Variants in VAMP1 observed in about 807,000 individuals in gnomAD.
VAMP1 encodes the protein vesicle-associated membrane protein 1.
Under a neutral mutation model 19.1 loss-of-function variants are expected in VAMP1, and 16 were observed. The observed-to-expected ratio is 0.84, with a 90% CI of 0.57 to 1.27. VAMP1 has a LOEUF of 1.27. Ranked by LOEUF, VAMP1 falls within the 50% of genes most tolerant of loss-of-function variation. VAMP1 has a pLI of 0.00. For missense variants in VAMP1, 109 were observed against 145.4 expected, an observed-to-expected ratio of 0.75 and a Z score of 1.29; for synonymous variants, 37 against 50.2, an observed-to-expected ratio of 0.74 and a Z score of 1.11.
rs778873075 is a variant in VAMP1 at position 6,463,409 on chromosome 12, T to G, written c.*1061A>C. On this transcript the variant is annotated 3_prime_UTR_variant, in exon 5 of 5. Transcript: ENST00000396308. The surrounding 1 kb of genome is among the most constrained non-coding windows in gnomAD (Gnocchi z 4.0). ...CAGGAAGAACCACTTGCCTCATCCC[T>G]GTCTTTGGCAAGTGCACGGGTGGTG... 1.7e-5 allele frequency: 18 copies of G among 1,057,548 alleles called. No individual in the cohort carries two copies. The highest frequency in any genetic ancestry group is 1.8e-5 in the Non-Finnish European group (16 of 872,592). The allele number at this position is 1,057,548 out of a possible 1,614,324, so 65.5% of individuals were successfully genotyped here.
At position 6,462,795 on chromosome 12, in the gene VAMP1, G is replaced by C; in HGVS notation, c.*1675C>G. The stretch of plus-strand genomic sequence containing the variant: ...AGGAGAGTGGAGACCTTCGAGGGGG[G>C]CCGTTGGGAGGGTACTGACTGCTTT... On this transcript the variant is annotated 3_prime_UTR_variant, in exon 5 of 5. Coordinates refer to ENST00000396308, the MANE Select transcript of VAMP1 (RefSeq NM_014231.5). The C allele has an allele frequency of 6.3e-7, 1 of 1,584,212 alleles. No homozygotes were observed. The highest frequency in any genetic ancestry group is 1.7e-4 in the Middle Eastern group (1 of 5,968).
rs1008190054 is a variant in VAMP1 at position 6,463,531 on chromosome 12, C to T, written c.*939G>A. ...AAGAGAGGAACAGGACCCTCTTTAA[C>T]GAGGGCAAGGAGTGGCTTCCTCTGA... On this transcript the variant is annotated 3_prime_UTR_variant, in exon 5 of 5. Transcript: ENST00000396308. The surrounding 1 kb of genome is among the most constrained non-coding windows in gnomAD (Gnocchi z 4.0). 9.6e-6 allele frequency: 10 copies of T among 1,044,642 alleles called. No homozygotes were observed. The highest frequency in any genetic ancestry group is 3.1e-5 in the South Asian group (1 of 32,186). 64.7% of individuals were successfully genotyped at this position (1,044,642 alleles called of 1,614,324 possible). A position where few individuals can be genotyped will look rare whatever the true frequency, so the allele number is the denominator to read the frequency against.
rs1225349886 is a variant in VAMP1 at position 6,462,371 on chromosome 12, G to A, written c.*2099C>T. ...TATGAGATCAGGGTTAGGAAAAAAA[G>A]ACAAAGAGGTGATGACAGACACACA... is the stretch of plus-strand genomic sequence containing the variant. On this transcript the variant is annotated 3_prime_UTR_variant, in exon 5 of 5. Transcript: ENST00000396308. 34 of 507,796 alleles carry A rather than the reference G, an allele frequency of 6.7e-5. No homozygotes were observed. In the East Asian group the frequency reaches 1.0e-3, roughly 15 times the overall value. The allele number at this position is 507,796 out of a possible 1,614,324, so 31.5% of individuals were successfully genotyped here.
chr12:6,462,684 G>A lies in VAMP1; in HGVS notation c.*1786C>T. ...TAGGGCTGGGAGAGCCAAGAGGACG[G>A]ATTCGCTCCAGGCTTGGGACACATC... On this transcript the variant is annotated 3_prime_UTR_variant, in exon 5 of 5. Coordinates refer to ENST00000396308, the MANE Select transcript of VAMP1 (RefSeq NM_014231.5). 1.2e-6 allele frequency: 1 copy of A among 865,238 alleles called. No individual in the cohort carries two copies. Among genetic ancestry groups the A allele is most frequent in the Non-Finnish European group, 1.8e-6 (1 of 565,884 alleles). The allele number at this position is 865,238 out of a possible 1,614,324, so 53.6% of individuals were successfully genotyped here. A position where few individuals can be genotyped will look rare whatever the true frequency, so the allele number is the denominator to read the frequency against.
In VAMP1 at chr12:6,470,649, C is replaced by T. The variant is rs571477074; in HGVS notation, c.-118G>A. 15 of 1,362,656 alleles carry T rather than the reference C, an allele frequency of 1.1e-5. No homozygotes were observed. The highest frequency in any genetic ancestry group is 1.5e-5 in the Non-Finnish European group (15 of 970,272). 84.4% of individuals were successfully genotyped at this position (1,362,656 alleles called of 1,614,324 possible). A position where few individuals can be genotyped will look rare whatever the true frequency, so the allele number is the denominator to read the frequency against. ...CCAAGCTCCGCCTCGCGCCGACTAC[C>T]CCGCGGTCTAGCTGCGCTGGAACTT... is the stretch of plus-strand genomic sequence containing the variant. On this transcript the variant is annotated 5_prime_UTR_variant, in exon 1 of 5. Coordinates refer to ENST00000396308, the MANE Select transcript of VAMP1 (RefSeq NM_014231.5).
intron 3 of VAMP1, chr12:6,465,418 A>ATATATATAAATGTATATATATGTGTG (rs1949992986): frequency 2.7e-5 from 3 of 111,340 alleles, no homozygotes; most frequent in Non-Finnish European, 5.0e-5. Flanking sequence ...ATATATGTAT[A>ATATATATAAATGTATATATATGTGTG]TATATATATA....
intron 1 of VAMP1, among the ~76,000 whole-genome samples, chr12:6,470,283 G>A (rs1385227292): frequency 1.3e-5 from 2 of 152,090 alleles, no homozygotes; most frequent in Non-Finnish European, 2.9e-5. Context: ...CAGACGAGAG[G>A]AGAGGGTGCA....
rs1565525991 is a variant in VAMP1, at chr12:6,465,373, A to AC, written c.289-433_289-432insG. 6.7e-3 allele frequency: 704 copies of AC among 104,442 alleles called. 28 individuals carry two copies. The highest frequency in any genetic ancestry group is 0.021 in the Admixed American group (200 of 9,490). 6.5% of individuals were successfully genotyped at this position (104,442 alleles called of 1,614,324 possible). A position where few individuals can be genotyped will look rare whatever the true frequency, so the allele number is the denominator to read the frequency against. ...AAAGAAAAAAGTATATATATATATAAATGTATATATATGTATATATATATA... is the reference window on the plus strand; with the variant it reads ...AAAGAAAAAAGTATATATATATATAACATGTATATATATGTATATATATATA... On this transcript the variant is annotated intron_variant, in intron 3 of 4. Coordinates refer to ENST00000396308, the MANE Select transcript of VAMP1 (RefSeq NM_014231.5).
chr12:6,465,404 GTA>G (rs1294654336), intron 3 of VAMP1: 6 of 61,392 alleles, frequency 9.8e-5, no homozygotes, highest in East Asian at 1.9e-3. Context: ...ATATATAAAT[GTA>G]TATATATGTA....
chr12:6,463,696 T>C lies in VAMP1; in HGVS notation c.*774A>G. On this transcript the variant is annotated 3_prime_UTR_variant, in exon 5 of 5. Transcript: ENST00000396308. The surrounding 1 kb of genome is among the most constrained non-coding windows in gnomAD (Gnocchi z 4.0). ...AAACTACCAGCTAGATGGATTTATTTGGTGCCCTCATACAGAATGCTGTAG... is the reference window on the plus strand; with the variant it reads ...AAACTACCAGCTAGATGGATTTATTCGGTGCCCTCATACAGAATGCTGTAG... 2.7e-6 allele frequency: 3 copies of C among 1,108,072 alleles called. No individual in the cohort carries two copies. In the South Asian group the frequency reaches 6.5e-5, roughly 24 times the overall value. The allele number at this position is 1,108,072 out of a possible 1,614,324, so 68.6% of individuals were successfully genotyped here.
rs1369382652 is a variant in VAMP1 at position 6,462,685 on chromosome 12, A to C, written c.*1785T>G. The C allele has an allele frequency of 2.3e-6, 2 of 875,138 alleles. No individual in the cohort carries two copies. The highest frequency in any genetic ancestry group is 3.5e-6 in the Non-Finnish European group (2 of 574,896). 54.2% of individuals were successfully genotyped at this position (875,138 alleles called of 1,614,324 possible). Reference sequence around the variant, plus strand: ...AGGGCTGGGAGAGCCAAGAGGACGGATTCGCTCCAGGCTTGGGACACATCG... The same window carrying C: ...AGGGCTGGGAGAGCCAAGAGGACGGCTTCGCTCCAGGCTTGGGACACATCG... On this transcript the variant is annotated 3_prime_UTR_variant, in exon 5 of 5. Coordinates refer to ENST00000396308, the MANE Select transcript of VAMP1 (RefSeq NM_014231.5).
chr12:6,465,933 T>C lies in VAMP1; in HGVS notation c.197A>G (p.Asp66Gly). 6.2e-7 allele frequency: 1 copy of C among 1,614,256 alleles called. No individual in the cohort carries two copies. Among genetic ancestry groups the C allele is most frequent in the Non-Finnish European group, 8.5e-7 (1 of 1,180,054 alleles). ...TGCCTGCAAGGCATCAGCTCGGTCA[T>C]CCAGCTCTGACAGCTTCTGGTCCCT... ...LERDQKLSEL[D>G]DRADALQAGA... Residue 66 changes from aspartate (D) to glycine (G), a missense_variant, in exon 3 of 5, where the codon GAT (aspartate) becomes GGT (glycine). Coordinates refer to ENST00000396308, the MANE Select transcript of VAMP1 (RefSeq NM_014231.5).
intron 3 of VAMP1, among the ~76,000 whole-genome samples, chr12:6,465,523 G>A (rs1312296089): frequency 6.6e-6 from 1 of 150,530 alleles, no homozygotes; most frequent in Non-Finnish European, 1.5e-5. Context: ...TTGTGCTGAT[G>A]TTGGGTGTGT....
chr12:6,467,309 G>A (rs547481008), intron 1 of VAMP1, among the ~76,000 whole-genome samples: 4 of 152,282 alleles, frequency 2.6e-5, no homozygotes, highest in South Asian at 4.1e-4. Flanking sequence ...AGGAAAATGC[G>A]GGAAAGTTTG....
chr12:6,463,309 G>C lies in VAMP1; in HGVS notation c.*1161C>G. ...CAATACACAAGCACACCTGACACAGGCTGGCACGCCTCCCCCCAAGGTGGG... is the reference window on the plus strand; with the variant it reads ...CAATACACAAGCACACCTGACACAGCCTGGCACGCCTCCCCCCAAGGTGGG... On this transcript the variant is annotated 3_prime_UTR_variant, in exon 5 of 5. Coordinates refer to ENST00000396308, the MANE Select transcript of VAMP1 (RefSeq NM_014231.5). This position sits in a 1 kb window ranked among gnomAD's most constrained non-coding sequence, Gnocchi z 4.0. 8.2e-7 allele frequency: 1 copy of C among 1,213,636 alleles called. No individual in the cohort carries two copies. 75.2% of individuals were successfully genotyped at this position (1,213,636 alleles called of 1,614,324 possible).
At chr12:6,465,422 A>G (rs11064208) in intron 3 of VAMP1, 48 of 115,514 alleles carry the variant, frequency 4.2e-4, no homozygotes, top group Non-Finnish European at 4.1e-4. Flanking sequence ...ATGTATATAT[A>G]TATATAAATG....
chr12:6,464,106 C>T lies in VAMP1; in HGVS notation c.*364G>A. 7.5e-7 allele frequency: 1 copy of T among 1,325,288 alleles called. No homozygotes were observed. The highest frequency in any genetic ancestry group is 9.9e-7 in the Non-Finnish European group (1 of 1,012,112). 82.1% of individuals were successfully genotyped at this position (1,325,288 alleles called of 1,614,324 possible). A position where few individuals can be genotyped will look rare whatever the true frequency, so the allele number is the denominator to read the frequency against. On this transcript the variant is annotated 3_prime_UTR_variant, in exon 5 of 5. Coordinates refer to ENST00000396308, the MANE Select transcript of VAMP1 (RefSeq NM_014231.5). ...CTAGAAGTCACCATGGGCACCGATA[C>T]TCTTCTCCTCCCAAGTCTGGGCAGC... is the stretch of plus-strand genomic sequence containing the variant.
At chr12:6,465,440 A>ATG (rs1565526353) in intron 3 of VAMP1, 14 of 136,696 alleles carry the variant, frequency 1.0e-4, no homozygotes, top group African/African-American at 3.3e-4. Flanking sequence ...ATGTATATAT[A>ATG]TGTATATATA....
chr12:6,465,357 A>AGTATATATATATATAAATGTATATAT (rs1949977593), intron 3 of VAMP1: 1 of 214,354 alleles, frequency 4.7e-6, no homozygotes, highest in East Asian at 1.7e-4. Context: ...AAAAGAAAAA[A>AGTATATATATATATAAATGTATATAT]GTATATATAT....
Sources: gnomAD v4.1 joint callset for allele counts (sites outside exome capture counted in the v4.1 genomes callset) on GRCh38, gnomAD v4.1.1 for gene constraint, Gnocchi (gnomAD v3.1) non-coding constraint, MANE v1.5 for transcripts, NCBI Gene and HGNC (gene_info 2026-07-23, HGNC 2026-07-21) for gene names.